Variants in MAP2K4 observed in about 807,000 individuals in gnomAD.
The protein encoded by MAP2K4 is mitogen-activated protein kinase kinase 4, also known as dual specificity mitogen-activated protein kinase kinase 4.
Under a neutral mutation model 48.5 loss-of-function variants are expected in MAP2K4, and 4 were observed. That is an observed-to-expected ratio of 0.08 (90% CI 0.04 to 0.19). The LOEUF is 0.19. Ranked by LOEUF, MAP2K4 falls within the 10% of genes least tolerant of loss-of-function variation. MAP2K4 has a pLI of 1.00. For missense variants in MAP2K4, 258 were observed against 493.3 expected (o/e 0.52, Z 4.52); for synonymous variants, 166 against 173.1 (o/e 0.96, Z 0.32).
At chr17:12,060,424 T>C (rs1970410785) in intron 2 of MAP2K4, among the ~76,000 whole-genome samples, 1 of 152,180 alleles carries the variant, frequency 6.6e-6, no homozygotes, top group South Asian at 2.1e-4. Context: ...GCTAAAAAGA[T>C]AAAGGAGGAA....
chr17:12,124,246 G>A (rs1972780461), intron 7 of MAP2K4: 1 of 152,142 alleles, frequency 6.6e-6, no homozygotes, highest in Non-Finnish European at 1.5e-5. Flanking sequence ...CTCAGACTTA[G>A]CGAAGGATCC....
chr17:12,107,553 C>G (rs1342274004), intron 4 of MAP2K4, among the ~76,000 whole-genome samples: 1 of 151,656 alleles, frequency 6.6e-6, no homozygotes, highest in Non-Finnish European at 1.5e-5. Flanking sequence ...CTGTGTAAGC[C>G]TGTCCCTGTC....
chr17:12,075,938 A>G (rs995767982), intron 2 of MAP2K4, among the ~76,000 whole-genome samples: 20 of 152,168 alleles, frequency 1.3e-4, no homozygotes, highest in Non-Finnish European at 2.8e-4. Context: ...TTTTTTCTGG[A>G]TTATGATTGA....
At chr17:12,071,047 C>T (rs187148480) in intron 2 of MAP2K4, among the ~76,000 whole-genome samples, 3 of 152,172 alleles carry the variant, frequency 2.0e-5, no homozygotes, top group Non-Finnish European at 2.9e-5. Context: ...GCAGCATAAC[C>T]GTAATCTCTA....
chr17:12,059,387 T>C (rs993355154), intron 2 of MAP2K4, among the ~76,000 whole-genome samples: 11 of 152,266 alleles, frequency 7.2e-5, no homozygotes, highest in African/African-American at 2.7e-4. Flanking sequence ...AAGTAGATAT[T>C]CTGTTAAACA....
intron 2 of MAP2K4, among the ~76,000 whole-genome samples, chr17:12,078,701 A>AT (rs1342401004): frequency 6.6e-6 from 1 of 152,078 alleles, no homozygotes; most frequent in Admixed American, 6.6e-5. Context: ...CAATCTTCTC[A>AT]TTGGGTGTGT....
intron 3 of MAP2K4, among the ~76,000 whole-genome samples, chr17:12,091,022 G>C (rs964311563): frequency 6.6e-6 from 1 of 152,188 alleles, no homozygotes; most frequent in Non-Finnish European, 1.5e-5. Flanking sequence ...GTAGGGTTTG[G>C]ATATGAGGCT....
chr17:12,078,886 C>T (rs1971097108), intron 2 of MAP2K4, among the ~76,000 whole-genome samples: 1 of 152,178 alleles, frequency 6.6e-6, no homozygotes, highest in Admixed American at 6.6e-5. Flanking sequence ...ACTGTTAAAG[C>T]AATTGCTGTG....
chr17:12,135,868 G>A (rs1345211558), intron 9 of MAP2K4, among the ~76,000 whole-genome samples: 2 of 152,146 alleles, frequency 1.3e-5, no homozygotes, highest in East Asian at 3.9e-4. Context: ...CTCTTAAAAT[G>A]TAAAAGAGTT....
At chr17:12,134,096 A>G (rs552405282) in intron 9 of MAP2K4, among the ~76,000 whole-genome samples, 1 of 152,214 alleles carries the variant, frequency 6.6e-6, no homozygotes, top group East Asian at 1.9e-4. Context: ...TTAAATCCCT[A>G]TAGTAGGTGA....
rs563160109 is a variant in MAP2K4 at position 12,110,509 on chromosome 17, C to T, written c.685+83C>T. The T allele has an allele frequency of 1.1e-5, 11 of 980,810 alleles. No homozygotes were observed. The South Asian group carries it at 1.3e-4, about 11-fold the overall frequency. The allele number at this position is 980,810 out of a possible 1,614,324, so 60.8% of individuals were successfully genotyped here. A position where few individuals can be genotyped will look rare whatever the true frequency, so the allele number is the denominator to read the frequency against. On this transcript the variant is annotated intron_variant, in intron 6 of 10. Transcript: ENST00000353533. ...AAACGGTTATTGAAAATTACAGTGT[C>T]ACTGTATAAACTTTCCTAAAATATT...
intron 4 of MAP2K4, among the ~76,000 whole-genome samples, chr17:12,098,674 A>T (rs998030526): frequency 6.6e-6 from 1 of 152,138 alleles, no homozygotes; most frequent in African/African-American, 2.4e-5. Flanking sequence ...AGGAAATAGT[A>T]GAAATGAATG....
At chr17:12,066,750 C>T (rs1054545276) in intron 2 of MAP2K4, among the ~76,000 whole-genome samples, 20 of 152,144 alleles carry the variant, frequency 1.3e-4, no homozygotes, top group Admixed American at 7.8e-4. Context: ...AGTGCTGTGG[C>T]GTGATCTCCG....
intron 7 of MAP2K4, among the ~76,000 whole-genome samples, chr17:12,121,124 C>T (rs1685536086): frequency 6.6e-6 from 1 of 152,168 alleles, no homozygotes; most frequent in South Asian, 2.1e-4. Flanking sequence ...GACACTTTTG[C>T]TTTTTGGTGC....
At chr17:12,060,368 C>CACCACTA (rs879847402) in intron 2 of MAP2K4, among the ~76,000 whole-genome samples, 14 of 152,126 alleles carry the variant, frequency 9.2e-5, no homozygotes, top group Non-Finnish European at 1.9e-4. Flanking sequence ...TTAAGCCAGC[C>CACCACTA]TTGCACTGCC....
chr17:12,070,691 T>A (rs1416597136), intron 2 of MAP2K4, among the ~76,000 whole-genome samples: 6 of 152,216 alleles, frequency 3.9e-5, no homozygotes, highest in Non-Finnish European at 8.8e-5. Flanking sequence ...GCTGAATCCA[T>A]CCTGTTTGCT....
intron 3 of MAP2K4, among the ~76,000 whole-genome samples, chr17:12,082,772 TTTCATAGGCAG>T: frequency 6.6e-6 from 1 of 152,330 alleles, no homozygotes; most frequent in Middle Eastern, 3.4e-3. Context: ...ACTATAGACT[TTTCATAGGCAG>T]GTGTATATAC....
In MAP2K4 at chr17:12,081,596, A is replaced by T; in HGVS notation, c.393+66A>T. ...AGGTGAAATTTCATGGTGCAGTAAT[A>T]CCACTGTTGTTGTGTTCCTACTTTT... On this transcript the variant is annotated intron_variant, in intron 3 of 10. Coordinates refer to ENST00000353533, the MANE Select transcript of MAP2K4 (RefSeq NM_003010.4). The surrounding 1 kb of genome is among the most constrained non-coding windows in gnomAD (Gnocchi z 4.2). The T allele has an allele frequency of 6.7e-7, 1 of 1,488,124 alleles. No homozygotes were observed. Among genetic ancestry groups the T allele is most frequent in the Non-Finnish European group, 9.2e-7 (1 of 1,081,902 alleles). 92.2% of individuals were successfully genotyped at this position (1,488,124 alleles called of 1,614,324 possible). A position where few individuals can be genotyped will look rare whatever the true frequency, so the allele number is the denominator to read the frequency against.
intron 2 of MAP2K4, among the ~76,000 whole-genome samples, chr17:12,074,630 C>T (rs1970935050): frequency 6.6e-6 from 1 of 152,144 alleles, no homozygotes; most frequent in Non-Finnish European, 1.5e-5. Flanking sequence ...TCCTCACAAT[C>T]ATCCGCTGAT....
Sources: gnomAD v4.1 joint callset for allele counts (sites outside exome capture counted in the v4.1 genomes callset) on GRCh38, gnomAD v4.1.1 for gene constraint, Gnocchi (gnomAD v3.1) non-coding constraint, MANE v1.5 for transcripts, NCBI Gene and HGNC (gene_info 2026-07-23, HGNC 2026-07-21) for gene names.